Variants in SULT1B1 observed in about 807,000 individuals in gnomAD.
SULT1B1 encodes the protein sulfotransferase 1B1.
A neutral mutation model predicts 34.6 loss-of-function variants in SULT1B1; 28 were observed. The ratio of observed to expected loss-of-function variants is 0.81; its 90% CI spans 0.60 to 1.11. The LOEUF (loss-of-function observed/expected upper bound fraction) is 1.11, where lower values mean the gene tolerates loss of function less well. Among genes scored for constraint, SULT1B1 ranks in the 50% least tolerant of loss-of-function variants. The probability of loss-of-function intolerance (pLI) is 0.00; values close to 1 mark genes in which losing one functional copy is unlikely to be tolerated. For synonymous variants in SULT1B1, 147 were observed against 110.2 expected (o/e 1.33, Z -2.09); for missense variants, 374 against 352.2 (o/e 1.06, Z -0.50).
intron 7 of SULT1B1, 54 bp from the exon 8 acceptor site, chr4:69,727,254 A>G: frequency 2.8e-6 from 4 of 1,427,376 alleles, no homozygotes; most frequent in Non-Finnish European, 3.8e-6. Flanking sequence ...ATAAGAAGAA[A>G]TCAGTATATA....
intron 1 of SULT1B1, among the ~76,000 whole-genome samples, chr4:69,756,827 C>A (rs1461984869): frequency 6.6e-6 from 1 of 152,128 alleles, no homozygotes; most frequent in Admixed American, 6.6e-5. Flanking sequence ...CTCTTTACTT[C>A]CAGGAGAGTC....
Position 69,722,849 on chromosome 4 carries a change from AC to A in SULT1B1, c.*4238del, listed in dbSNP as rs1717698587. ...CAGAAAGTCTAACAGTATGTCCAAA[AC>A]CACCACCCCCACCCCTTTCAGAACA... On this transcript the variant is annotated 3_prime_UTR_variant, in exon 8 of 8. Coordinates refer to ENST00000310613, the MANE Select transcript of SULT1B1 (RefSeq NM_014465.4). 1 of 152,006 alleles carries A rather than the reference AC, an allele frequency of 6.6e-6. No homozygotes were observed. Among genetic ancestry groups the A allele is most frequent in the Non-Finnish European group, 1.5e-5 (1 of 68,054 alleles). The allele number at this position is 152,006 out of a possible 1,614,324, so 9.4% of individuals were successfully genotyped here.
At position 69,759,603 on chromosome 4, in the gene SULT1B1, AATG is replaced by A. The variant is rs1272056832; in HGVS notation, c.-45+853_-45+855del. 3.9e-5 allele frequency among the ~76,000 whole-genome samples: 6 copies of A among 152,328 alleles called. No homozygotes were observed. The South Asian group carries it at 1.0e-3, about 26-fold the overall frequency. ...ATTACCTCGTCATGACCAGTGGATA[AATG>A]ATGAGTTCTGAATTATATGGGGAGA... is the stretch of plus-strand genomic sequence containing the variant. On this transcript the variant is annotated intron_variant, in intron 1 of 7. Transcript: ENST00000310613.
At position 69,738,108 on chromosome 4, in the gene SULT1B1, A is replaced by G. The variant is rs541460590; in HGVS notation, c.376-3844T>C. Among the ~76,000 whole-genome samples the G allele has an allele frequency of 1.5e-3, 222 of 152,154 alleles. 1 individual carries two copies. The highest frequency in any genetic ancestry group is 6.3e-4 in the Non-Finnish European group (43 of 68,024). On this transcript the variant is annotated intron_variant, in intron 4 of 7. Coordinates refer to ENST00000310613, the MANE Select transcript of SULT1B1 (RefSeq NM_014465.4). ...ACCTTCCATGCATAAGTGAGAATAT[A>G]TGGTATTTGATTTTCTGCTCCTAAA...
At chr4:69,754,872 A>T (rs1578069187) in intron 2 of SULT1B1, 74 bp from the exon 3 acceptor site, 4 of 1,514,092 alleles carry the variant, frequency 2.6e-6, no homozygotes, top group Non-Finnish European at 9.0e-7. Flanking sequence ...TATTGGAAAC[A>T]CTACCATCTT....
intron 4 of SULT1B1, among the ~76,000 whole-genome samples, chr4:69,743,462 A>C (rs1335009680): frequency 6.6e-6 from 1 of 152,108 alleles, no homozygotes; most frequent in African/African-American, 2.4e-5. Context: ...AAGCACCACA[A>C]GTTCCCATTC....
intron 3 of SULT1B1, among the ~76,000 whole-genome samples, chr4:69,752,315 C>T (rs1277353425): frequency 6.6e-6 from 1 of 152,054 alleles, no homozygotes; most frequent in Non-Finnish European, 1.5e-5. Flanking sequence ...TGCTAAGTTT[C>T]TATGTAGTTT....
intron 3 of SULT1B1, among the ~76,000 whole-genome samples, chr4:69,750,841 A>G (rs549353956): frequency 1.3e-5 from 2 of 152,326 alleles, no homozygotes; most frequent in East Asian, 3.9e-4. Context: ...TTGTTCATAA[A>G]TAAATGTCCA....
At chr4:69,733,580 A>C in intron 5 of SULT1B1, 73 bp from the exon 6 acceptor site, 5 of 1,156,220 alleles carry the variant, frequency 4.3e-6, no homozygotes, top group Non-Finnish European at 6.0e-6. Context: ...AGTAAATCAA[A>C]TTGTGAAAAC....
rs1717794919 is a variant in SULT1B1 at position 69,725,378 on chromosome 4, C to A, written c.*1710G>T. ...TTAAAAAGTCAGGAAACAACAGGTG[C>A]TGGAAAGGATGTGGAGAAATAGGAA... is the stretch of plus-strand genomic sequence containing the variant. On this transcript the variant is annotated 3_prime_UTR_variant, in exon 8 of 8. Coordinates refer to ENST00000310613, the MANE Select transcript of SULT1B1 (RefSeq NM_014465.4). 1 of 152,078 alleles carries A rather than the reference C, an allele frequency of 6.6e-6. No individual in the cohort carries two copies. Among genetic ancestry groups the A allele is most frequent in the Non-Finnish European group, 1.5e-5 (1 of 68,018 alleles). The allele number at this position is 152,078 out of a possible 1,614,324, so 9.4% of individuals were successfully genotyped here. A position where few individuals can be genotyped will look rare whatever the true frequency, so the allele number is the denominator to read the frequency against.
chr4:69,742,366 AATG>A (rs1209872772), intron 4 of SULT1B1, among the ~76,000 whole-genome samples: 2 of 152,248 alleles, frequency 1.3e-5, no homozygotes, highest in African/African-American at 4.8e-5. Flanking sequence ...TTGGTATGAG[AATG>A]ATGATGTCCT....
At chr4:69,759,461 G>T (rs1026647392) in intron 1 of SULT1B1, among the ~76,000 whole-genome samples, 1 of 152,174 alleles carries the variant, frequency 6.6e-6, no homozygotes, top group East Asian at 1.9e-4. Context: ...TGCCGGAGAA[G>T]GATGGAATGA....
At chr4:69,758,566 T>C (rs1477733743) in intron 1 of SULT1B1, 3 of 718,572 alleles carry the variant, frequency 4.2e-6, no homozygotes, top group Non-Finnish European at 5.1e-6. Flanking sequence ...TAAATGAGTC[T>C]CTATTCATCG....
In SULT1B1 at chr4:69,754,809, A is replaced by G; in HGVS notation, c.149-11T>C. The G allele has an allele frequency of 6.2e-7, 1 of 1,606,556 alleles. No individual in the cohort carries two copies. The highest frequency in any genetic ancestry group is 8.5e-7 in the Non-Finnish European group (1 of 1,177,030). ...TAACCCAAGTAGTACCTGTGACAAA[A>G]GGCAACATTTTCAAAATAATTACCC... On this transcript the variant is annotated splice_polypyrimidine_tract_variant and intron_variant, in intron 2 of 7. Coordinates refer to ENST00000310613, the MANE Select transcript of SULT1B1 (RefSeq NM_014465.4).
intron 1 of SULT1B1, among the ~76,000 whole-genome samples, chr4:69,756,795 G>A (rs1203800141): frequency 6.6e-6 from 1 of 152,060 alleles, no homozygotes; most frequent in African/African-American, 2.4e-5. Flanking sequence ...TGTGTTCAAA[G>A]GCAGTCAGAC....
chr4:69,730,145 A>AC (rs1718016634), intron 7 of SULT1B1, among the ~76,000 whole-genome samples: 1 of 152,146 alleles, frequency 6.6e-6, no homozygotes, highest in Non-Finnish European at 1.5e-5. Context: ...TGAAATTAGT[A>AC]TTTCACTGAG....
intron 5 of SULT1B1, 123 bp downstream of exon 5, chr4:69,734,015 T>C (rs1718191945): frequency 1.2e-6 from 1 of 843,144 alleles, no homozygotes; most frequent in African/African-American, 1.8e-5. Flanking sequence ...GTTTTTTAGA[T>C]AATATTTGAA....
Position 69,734,280 on chromosome 4 carries a change from GGGGTA to G in SULT1B1, c.376-21_376-17del, listed in dbSNP as rs1360818940. ...GATAAATCATCTGCAGTGGGGGGTG[GGGGTA>G]GGAGAAAAAAATAAGATAAAAGACA... On this transcript the variant is annotated splice_polypyrimidine_tract_variant and intron_variant, in intron 4 of 7. Transcript: ENST00000310613. 3 of 1,601,638 alleles carry G rather than the reference GGGGTA, an allele frequency of 1.9e-6. No individual in the cohort carries two copies. The highest frequency in any genetic ancestry group is 2.6e-6 in the Non-Finnish European group (3 of 1,175,246).
chr4:69,730,441 T>C lies in SULT1B1; in HGVS notation c.778+60A>G. On this transcript the variant is annotated intron_variant, in intron 7 of 7. Transcript: ENST00000310613. The stretch of plus-strand genomic sequence containing the variant: ...TAGTAGAGATCACAGAACTAATCCT[T>C]AGCTCATGATAATTCATAAGAAAGT... 4.7e-6 allele frequency: 7 copies of C among 1,478,042 alleles called. No homozygotes were observed. The South Asian group carries it at 8.8e-5, about 19-fold the overall frequency. 91.6% of individuals were successfully genotyped at this position (1,478,042 alleles called of 1,614,324 possible).
Sources: gnomAD v4.1 joint callset for allele counts (sites outside exome capture counted in the v4.1 genomes callset) on GRCh38, gnomAD v4.1.1 for gene constraint, MANE v1.5 for transcripts, NCBI Gene and HGNC (gene_info 2026-07-23, HGNC 2026-07-21) for gene names.